The following ICE2 variants were observed in gnomAD, a reference collection of about 807,000 sequenced individuals.
ICE2 encodes the protein interactor of little elongation complex ELL subunit 2, also known as little elongation complex subunit 2.
A neutral mutation model predicts 105.4 loss-of-function variants in ICE2; 87 were observed. That is an observed-to-expected ratio of 0.83 (90% confidence interval 0.69 to 0.99). The LOEUF (loss-of-function observed/expected upper bound fraction) is 0.99, where lower values mean the gene tolerates loss of function less well. Ranked by LOEUF, ICE2 falls within the 50% of genes least tolerant of loss-of-function variation. The pLI, the probability that ICE2 is intolerant of heterozygous loss-of-function variation, is 0.00. For synonymous variants in ICE2, 399 were observed against 392.0 expected (o/e 1.02, Z -0.21); for missense variants, 1,323 against 1,146.7 (o/e 1.15, Z -2.22).
At chr15:60,462,857 A>T (rs748180815) in intron 5 of ICE2, among the ~76,000 whole-genome samples, 46 of 152,296 alleles carry the variant, frequency 3.0e-4, no homozygotes, top group Non-Finnish European at 5.3e-4. Context: ...AACCATTTGC[A>T]AATCTACTCA....
chr15:60,467,543 T>C (rs1410265316), intron 4 of ICE2, among the ~76,000 whole-genome samples: 2 of 152,236 alleles, frequency 1.3e-5, no homozygotes, highest in East Asian at 1.9e-4. Context: ...TTAGAGAAGA[T>C]AGTTTTTTCA....
In ICE2 at chr15:60,423,678, C is replaced by G; in HGVS notation, c.2905G>C (p.Val969Leu). 6.2e-7 allele frequency: 1 copy of G among 1,610,860 alleles called. No homozygotes were observed. The highest frequency in any genetic ancestry group is 8.5e-7 in the Non-Finnish European group (1 of 1,179,414). ...TGTGGAGCCACTCCTTCAGTTTCAA[C>G]TTGCTGAGCAGGCAAGCAACTGCTT... ...TKSSCLPAQQ[V>L]ETEGVAPHKR... is the part of the protein sequence containing the mutation. Residue 969 changes from valine to leucine, a missense_variant, in exon 16 of 16, where the codon GTT (valine) becomes CTT (leucine). Transcript: ENST00000261520.
At chr15:60,472,002 G>A (rs944451346) in intron 3 of ICE2, among the ~76,000 whole-genome samples, 2 of 151,198 alleles carry the variant, frequency 1.3e-5, no homozygotes. Context: ...CTATTTCCCC[G>A]CTTGTTTGCT....
intron 12 of ICE2, among the ~76,000 whole-genome samples, chr15:60,437,293 G>A (rs1020800580): frequency 2.0e-5 from 3 of 151,576 alleles, no homozygotes; most frequent in Non-Finnish European, 4.4e-5. Flanking sequence ...CACACCATAA[G>A]ATTTCCCAAA....
Position 60,449,092 on chromosome 15 carries a change from A to G in ICE2, c.1875T>C (p.Pro625=). Residue 625 remains proline, a synonymous_variant, in exon 10 of 16, where the codon CCT becomes CCC. Transcript: ENST00000261520. ...GTTTTTTTAAAACACATGACTCTTC[A>G]GGACTACAAGCAGTATTAGTCTGGT... ...VGNQTNTACS[P]EESCVLKKPI... 6.2e-7 allele frequency: 1 copy of G among 1,613,970 alleles called. No individual in the cohort carries two copies. The highest frequency in any genetic ancestry group is 8.5e-7 in the Non-Finnish European group (1 of 1,179,888).
At position 60,455,168 on chromosome 15, in the gene ICE2, AAAC is replaced by A. The variant is rs746349514; in HGVS notation, c.784-9_784-7del. The A allele has an allele frequency of 2.6e-6, 4 of 1,562,620 alleles. No individual in the cohort carries two copies. The highest frequency in any genetic ancestry group is 2.6e-6 in the Non-Finnish European group (3 of 1,161,910). ...TTTGGATCTTTACTAATATCCTGAA[AAAC>A]AACAAGTAATTTGTTACTTGGTTAT... On this transcript the variant is annotated splice_region_variant and splice_polypyrimidine_tract_variant and intron_variant, in intron 7 of 15. Coordinates refer to ENST00000261520, the MANE Select transcript of ICE2 (RefSeq NM_024611.6).
chr15:60,454,272 TTAA>T (rs1328755767), intron 8 of ICE2, among the ~76,000 whole-genome samples: 1 of 152,156 alleles, frequency 6.6e-6, no homozygotes, highest in Non-Finnish European at 1.5e-5. Context: ...TATGCAAATA[TTAA>T]TTTTATTGTC....
chr15:60,453,395 ACTT>A (rs532604024), intron 9 of ICE2: 99 of 1,364,798 alleles, frequency 7.3e-5, no homozygotes, highest in Non-Finnish European at 8.6e-5. Flanking sequence ...AGTAGGTACT[ACTT>A]CCTTTCATGT....
intron 9 of ICE2, chr15:60,452,122 T>C (rs572147473): frequency 1.0e-6 from 1 of 985,026 alleles, no homozygotes; most frequent in Non-Finnish European, 1.2e-6. Flanking sequence ...GACATTCACC[T>C]CAATATAAGT....
At chr15:60,433,391 A>G (rs1408209235) in intron 13 of ICE2, among the ~76,000 whole-genome samples, 1 of 151,082 alleles carries the variant, frequency 6.6e-6, no homozygotes, top group Non-Finnish European at 1.5e-5. Context: ...CGGCCAAATC[A>G]GGTATTTAAA....
intron 13 of ICE2, among the ~76,000 whole-genome samples, chr15:60,434,726 A>G (rs544807968): frequency 6.6e-6 from 1 of 152,324 alleles, no homozygotes; most frequent in African/African-American, 2.4e-5. Context: ...TGGAGCATGG[A>G]GATACAGAAT....
rs2063232468 is a variant in ICE2, at chr15:60,420,479, T to C, written c.*3155A>G. The stretch of plus-strand genomic sequence containing the variant: ...CCAACAAGAGCCCTTTTCAAATACA[T>C]ATCTGATCATGTCAGTTAATTAACC... On this transcript the variant is annotated 3_prime_UTR_variant, in exon 16 of 16. Transcript: ENST00000261520. 1 of 152,248 alleles carries C rather than the reference T, an allele frequency of 6.6e-6. No individual in the cohort carries two copies. Among genetic ancestry groups the C allele is most frequent in the Non-Finnish European group, 1.5e-5 (1 of 68,054 alleles). 9.4% of individuals were successfully genotyped at this position (152,248 alleles called of 1,614,324 possible).
At chr15:60,469,225 C>T (rs1266162345) in intron 3 of ICE2, among the ~76,000 whole-genome samples, 4 of 152,174 alleles carry the variant, frequency 2.6e-5, no homozygotes, top group Non-Finnish European at 5.9e-5. Context: ...CATGTTCTCA[C>T]TTATAAGTGG....
chr15:60,453,357 A>T, intron 9 of ICE2: 1 of 1,257,550 alleles, frequency 8.0e-7, no homozygotes, highest in Non-Finnish European at 1.0e-6. Context: ...ATAAAATATC[A>T]AACTTAACCC....
chr15:60,464,661 G>A (rs2064371856), intron 5 of ICE2, among the ~76,000 whole-genome samples: 1 of 151,620 alleles, frequency 6.6e-6, no homozygotes, highest in East Asian at 1.9e-4. Context: ...AACTGATAGG[G>A]CAATTTGTAG....
chr15:60,424,428 A>AGAGGGGGATTAGAGTGGGGGAC (rs2063296470), intron 15 of ICE2, among the ~76,000 whole-genome samples: 1 of 152,238 alleles, frequency 6.6e-6, no homozygotes, highest in Non-Finnish European at 1.5e-5. Flanking sequence ...GGATGGGGGA[A>AGAGGGGGATTAGAGTGGGGGAC]GGAACTTTGC....
At chr15:60,437,210 G>A (rs940180776) in intron 12 of ICE2, among the ~76,000 whole-genome samples, 2 of 151,894 alleles carry the variant, frequency 1.3e-5, no homozygotes, top group Non-Finnish European at 2.9e-5. Context: ...AGCCGATACA[G>A]TGCTACAGCA....
chr15:60,463,930 T>C lies in ICE2; in HGVS notation c.528+2664A>G, dbSNP rs543452753. ...AATGTTATTTATTATACAAGAGGAC[T>C]ACACAGGGGGCTTCTGAATTACTGG... On this transcript the variant is annotated intron_variant, in intron 5 of 15. Transcript: ENST00000261520. Among the ~76,000 whole-genome samples, 4 of 152,338 alleles carry C rather than the reference T, an allele frequency of 2.6e-5. No homozygotes were observed. In the East Asian group the frequency reaches 7.7e-4, roughly 29 times the overall value.
chr15:60,473,129 G>A (rs2064653656), intron 3 of ICE2, among the ~76,000 whole-genome samples: 1 of 152,022 alleles, frequency 6.6e-6, no homozygotes, highest in African/African-American at 2.4e-5. Context: ...TATGTGTAGA[G>A]ACAAGGTCTT....
Sources: gnomAD v4.1 joint callset for allele counts (sites outside exome capture counted in the v4.1 genomes callset) on GRCh38, gnomAD v4.1.1 for gene constraint, MANE v1.5 for transcripts, NCBI Gene and HGNC (gene_info 2026-07-23, HGNC 2026-07-21) for gene names.